MPV17L: variants seen among roughly 807,000 people sequenced by gnomAD.
MPV17L encodes the protein MPV17 mitochondrial inner membrane protein like, also known as mpv17-like protein.
In MPV17L, 24 loss-of-function variants were observed where a neutral mutation model predicts 25.8. The ratio of observed to expected loss-of-function variants is 0.93; its 90% CI spans 0.67 to 1.31. The LOEUF (loss-of-function observed/expected upper bound fraction) is 1.31. MPV17L is among the 50% of genes most tolerant of loss of function. MPV17L has a pLI of 0.00. For synonymous variants in MPV17L, 102 were observed against 115.3 expected, an observed-to-expected ratio of 0.88 and a Z score of 0.74; for missense variants, 250 against 265.6, an observed-to-expected ratio of 0.94 and a Z score of 0.41.
intron 1 of MPV17L, among the ~76,000 whole-genome samples, chr16:15,399,162 T>C (rs2050612978): frequency 6.6e-6 from 1 of 151,386 alleles, no homozygotes. Flanking sequence ...TAGCGAATTG[T>C]AAGGAGGGGC....
rs888642804 is a variant in MPV17L, at chr16:15,409,846, T to A, written c.*1734T>A. 7 of 152,122 alleles carry A rather than the reference T, an allele frequency of 4.6e-5. No individual in the cohort carries two copies. Among genetic ancestry groups the A allele is most frequent in the Non-Finnish European group, 8.8e-5 (6 of 68,012 alleles). 9.4% of individuals were successfully genotyped at this position (152,122 alleles called of 1,614,324 possible). The stretch of plus-strand genomic sequence containing the variant: ...ACATTTTTTATTATCAAAAACAGAG[T>A]AGTGTATGATTGGCGTATTCTGTGT... On this transcript the variant is annotated 3_prime_UTR_variant, in exon 4 of 4. Transcript: ENST00000396385.
rs1459166192 is a variant in MPV17L, at chr16:15,411,916, T to C, written c.*3804T>C. On this transcript the variant is annotated 3_prime_UTR_variant, in exon 4 of 4. Transcript: ENST00000396385. Reference sequence around the variant, plus strand: ...GTAGTGAGCCGATAAATATAAAAAGTATTAAAGTACTAACAGAAGAAAATT... The same window carrying C: ...GTAGTGAGCCGATAAATATAAAAAGCATTAAAGTACTAACAGAAGAAAATT... 1.3e-5 allele frequency: 2 copies of C among 152,130 alleles called. No homozygotes were observed. The highest frequency in any genetic ancestry group is 2.9e-5 in the Non-Finnish European group (2 of 68,024). The allele number at this position is 152,130 out of a possible 1,614,324, so 9.4% of individuals were successfully genotyped here. A position where few individuals can be genotyped will look rare whatever the true frequency, so the allele number is the denominator to read the frequency against.
intron 2 of MPV17L, among the ~76,000 whole-genome samples, chr16:15,402,588 A>G (rs1043254370): frequency 1.3e-5 from 2 of 152,148 alleles, no homozygotes; most frequent in African/African-American, 4.8e-5. Flanking sequence ...AACTCTTGTG[A>G]TTTCTCTTAG....
chr16:15,398,432 T>C (rs1461379566), intron 1 of MPV17L, among the ~76,000 whole-genome samples: 1 of 152,092 alleles, frequency 6.6e-6, no homozygotes, highest in Non-Finnish European at 1.5e-5. Context: ...TCCAGGCACT[T>C]GATGCTCTCA....
chr16:15,403,663 C>A (rs1252598468), intron 2 of MPV17L, among the ~76,000 whole-genome samples: 2 of 142,770 alleles, frequency 1.4e-5, no homozygotes, highest in Admixed American at 7.0e-5. Flanking sequence ...CAGAGTGAGA[C>A]CATGGTTCAA....
intron 2 of MPV17L, among the ~76,000 whole-genome samples, chr16:15,406,858 A>C (rs1297921722): frequency 6.6e-6 from 1 of 152,124 alleles, no homozygotes; most frequent in Non-Finnish European, 1.5e-5. Flanking sequence ...CCTAGGAGGC[A>C]GATGTTGCAG....
rs1036809394 is a variant in MPV17L at position 15,407,838 on chromosome 16, C to T, written c.396C>T (p.Tyr132=). The change falls in exon 3 of 4, where the codon TAC becomes TAT. Residue 132 remains tyrosine (Y), a synonymous_variant. Transcript: ENST00000396385. The part of the protein sequence containing the change: ...FWNTYLSGLM[Y]WPFVQLTNFS... The stretch of plus-strand genomic sequence containing the variant: ...CCCAATTCCAGAGTGGACTGATGTA[C>T]TGGCCCTTTGTACAGGTAAGTTCCA... The T allele has an allele frequency of 1.9e-6, 3 of 1,611,806 alleles. No homozygotes were observed. The highest frequency in any genetic ancestry group is 2.7e-5 in the African/African-American group (2 of 74,288).
Position 15,410,697 on chromosome 16 carries a change from T to G in MPV17L, c.*2585T>G, listed in dbSNP as rs1201163519. 2.0e-5 allele frequency: 3 copies of G among 152,254 alleles called. No individual in the cohort carries two copies. In the East Asian group the frequency reaches 5.8e-4, roughly 29 times the overall value. 9.4% of individuals were successfully genotyped at this position (152,254 alleles called of 1,614,324 possible). A position where few individuals can be genotyped will look rare whatever the true frequency, so the allele number is the denominator to read the frequency against. ...TATATTTAAGCTTAATTTAAGACTA[T>G]ATACCTAAAAATTGAGCATATAATT... On this transcript the variant is annotated 3_prime_UTR_variant, in exon 4 of 4. Coordinates refer to ENST00000396385, the MANE Select transcript of MPV17L (RefSeq NM_001128423.2).
intron 2 of MPV17L, among the ~76,000 whole-genome samples, chr16:15,406,930 AAAAT>A (rs1195601234): frequency 6.6e-6 from 1 of 151,888 alleles, no homozygotes; most frequent in African/African-American, 2.4e-5. Flanking sequence ...CATCTCAAAC[AAAAT>A]AAATAAATAA....
chr16:15,403,800 T>A (rs1598425493), intron 2 of MPV17L, among the ~76,000 whole-genome samples: 2 of 150,120 alleles, frequency 1.3e-5, no homozygotes, highest in African/African-American at 2.4e-5. Flanking sequence ...AATGAGTGAG[T>A]CTCATCTACC....
chr16:15,399,964 C>T (rs1008980254), intron 1 of MPV17L, among the ~76,000 whole-genome samples: 8 of 152,066 alleles, frequency 5.3e-5, no homozygotes, highest in Non-Finnish European at 1.0e-4. Flanking sequence ...GCCACCATGC[C>T]TGGCTAATTT....
chr16:15,401,069 TATATATATA>T, intron 2 of MPV17L, among the ~76,000 whole-genome samples: 1 of 29,524 alleles, frequency 3.4e-5, no homozygotes, highest in African/African-American at 8.1e-5. Context: ...TATATATATA[TATATATATA>T]TATATATATT....
intron 2 of MPV17L, among the ~76,000 whole-genome samples, chr16:15,404,207 A>G (rs2050662702): frequency 6.6e-6 from 1 of 152,192 alleles, no homozygotes; most frequent in Non-Finnish European, 1.5e-5. Context: ...CAATGCGTAA[A>G]GCACCATGGT....
chr16:15,396,340 G>A, intron 1 of MPV17L, 133 bp downstream of exon 1: 2 of 1,191,506 alleles, frequency 1.7e-6, no homozygotes, highest in Non-Finnish European at 2.3e-6. Context: ...GGGGCTCTGA[G>A]ACCGGAGCTG....
chr16:15,407,878 T>C, intron 3 of MPV17L, 25 bp downstream of exon 3: 2 of 1,613,462 alleles, frequency 1.2e-6, no homozygotes, highest in Non-Finnish European at 8.5e-7. Context: ...CTCAGTAATA[T>C]GAACTCAGGG....
chr16:15,404,190 C>T (rs984529088), intron 2 of MPV17L, among the ~76,000 whole-genome samples: 1 of 152,086 alleles, frequency 6.6e-6, no homozygotes, highest in Non-Finnish European at 1.5e-5. Flanking sequence ...GAGCTGAGTA[C>T]AGTTGACAAT....
intron 2 of MPV17L, among the ~76,000 whole-genome samples, chr16:15,404,618 C>G (rs978105180): frequency 6.6e-6 from 1 of 152,066 alleles, no homozygotes; most frequent in Non-Finnish European, 1.5e-5. Flanking sequence ...GTCAGGAGTT[C>G]GAGACCAGCC....
intron 1 of MPV17L, among the ~76,000 whole-genome samples, chr16:15,398,976 C>T (rs1206300011): frequency 1.3e-5 from 2 of 151,936 alleles, no homozygotes; most frequent in African/African-American, 2.4e-5. Context: ...TGGAGGTTTG[C>T]GTAAGGCTTT....
intron 2 of MPV17L, among the ~76,000 whole-genome samples, chr16:15,402,628 C>T (rs1180759154): frequency 1.3e-5 from 2 of 152,168 alleles, no homozygotes; most frequent in Non-Finnish European, 2.9e-5. Context: ...ATGGTGACAA[C>T]CAAATGTGAT....
Sources: allele counts gnomAD v4.1 joint callset (sites outside exome capture counted in the v4.1 genomes callset), GRCh38; gene constraint gnomAD v4.1.1; transcripts MANE v1.5; gene names NCBI Gene and HGNC (gene_info 2026-07-23, HGNC 2026-07-21).